The following KNDC1 variants were observed in gnomAD, a reference collection of about 807,000 sequenced individuals.
The protein encoded by KNDC1 is kinase non-catalytic C-lobe domain containing 1, also known as kinase non-catalytic C-lobe domain-containing protein 1.
Under a neutral mutation model 172.8 loss-of-function variants are expected in KNDC1, and 106 were observed. That is an observed-to-expected ratio of 0.61 (90% CI 0.52 to 0.72). KNDC1 has a LOEUF of 0.72. KNDC1 is among the 30% of genes least tolerant of loss of function. The pLI, the probability that KNDC1 is intolerant of heterozygous loss-of-function variation, is 0.00. For synonymous variants in KNDC1, 1,083 were observed against 1,062.2 expected, an observed-to-expected ratio of 1.02 and a Z score of -0.38; for missense variants, 2,325 against 2,394.5, an observed-to-expected ratio of 0.97 and a Z score of 0.61.
chr10:133,186,483 G>A lies in KNDC1; in HGVS notation c.1135G>A (p.Ala379Thr). ...PEHQLGRVPC[A>T]GRSTDRGPGV... ...ACACCAGCTGGGACGGGTTCCCTGT[G>A]CAGGCCGCAGCACGGACAGGGGCCC... Residue 379 changes from alanine to threonine, a missense_variant, in exon 6 of 30, where the codon GCA becomes ACA. Physicochemically the swap from Ala to Thr is moderately conservative, Grantham distance 58 (BLOSUM62 0). Transcript: ENST00000304613. 6.2e-7 allele frequency: 1 copy of A among 1,612,300 alleles called. No homozygotes were observed. Among genetic ancestry groups the A allele is most frequent in the Non-Finnish European group, 8.5e-7 (1 of 1,179,696 alleles).
chr10:133,198,302 C>T (rs984515688), intron 12 of KNDC1, 35 bp from the exon 13 acceptor site: 15 of 1,516,840 alleles, frequency 9.9e-6, no homozygotes, highest in African/African-American at 1.4e-5. Context: ...GGGGCCACTC[C>T]GCCCGCCCAC....
chr10:133,167,729 G>C lies in KNDC1; in HGVS notation c.301+150G>C, dbSNP rs1244276038. Reference sequence around the variant, plus strand: ...TGGAGACCTTCTCTTCCTTGGGAGGGACTCAGGCTGGAGAGTGGCCGAGGG... The same window carrying C: ...TGGAGACCTTCTCTTCCTTGGGAGGCACTCAGGCTGGAGAGTGGCCGAGGG... On this transcript the variant is annotated intron_variant, in intron 2 of 29. Transcript: ENST00000304613. 1.1e-5 allele frequency: 10 copies of C among 927,722 alleles called. No homozygotes were observed. The East Asian group carries it at 1.3e-4, about 12-fold the overall frequency. The allele number at this position is 927,722 out of a possible 1,614,324, so 57.5% of individuals were successfully genotyped here.
At chr10:133,203,033 ATGGCGTCCAGCGGGGAGCACT>A (rs1854419562) in intron 17 of KNDC1, among the ~76,000 whole-genome samples, 2 of 151,096 alleles carry the variant, frequency 1.3e-5, no homozygotes, top group Admixed American at 6.6e-5. Context: ...CCCCAAACGC[ATGGCGTCCAGCGGGGAGCACT>A]CGGCCCCCAA....
chr10:133,222,452 TGTGTGTGTGTGAGA>T, intron 29 of KNDC1, among the ~76,000 whole-genome samples: 1 of 82,462 alleles, frequency 1.2e-5, no homozygotes, highest in African/African-American at 3.7e-5. Flanking sequence ...CCGGCGTGTG[TGTGTGTGTGTGAGA>T]GCCCATCCAG....
intron 17 of KNDC1, among the ~76,000 whole-genome samples, chr10:133,203,171 A>G (rs1431493835): frequency 2.8e-5 from 2 of 70,176 alleles, no homozygotes; most frequent in Non-Finnish European, 7.5e-5. Flanking sequence ...CTCGGCCCCC[A>G]AACGCACAGA....
intron 6 of KNDC1, 122 bp downstream of exon 6, chr10:133,186,796 T>A: frequency 1.4e-6 from 1 of 711,274 alleles, no homozygotes; most frequent in South Asian, 2.1e-5. Context: ...CCTCGCTCCA[T>A]AATTAAAGAC....
chr10:133,168,088 G>A (rs1279895843), intron 2 of KNDC1, among the ~76,000 whole-genome samples, 166 bp from the exon 3 acceptor site: 4 of 152,194 alleles, frequency 2.6e-5, no homozygotes, highest in East Asian at 1.9e-4. Context: ...CATCATAACC[G>A]TTAAGGAGCT....
intron 5 of KNDC1, among the ~76,000 whole-genome samples, chr10:133,184,462 GTC>G (rs1387329373): frequency 1.3e-5 from 2 of 152,152 alleles, no homozygotes; most frequent in African/African-American, 4.8e-5. Flanking sequence ...CACACTGACA[GTC>G]ACACACGAGT....
chr10:133,178,208 T>C (rs1306747380), intron 3 of KNDC1, among the ~76,000 whole-genome samples: 3 of 151,264 alleles, frequency 2.0e-5, no homozygotes, highest in Non-Finnish European at 4.4e-5. Flanking sequence ...GGCATGTGTA[T>C]GTATGTGGTG....
At chr10:133,161,495 C>G (rs1174722459) in intron 1 of KNDC1, among the ~76,000 whole-genome samples, 1 of 152,154 alleles carries the variant, frequency 6.6e-6, no homozygotes, top group African/African-American at 2.4e-5. Flanking sequence ...GCAGTCCCCA[C>G]CTGCTGCCCC....
intron 17 of KNDC1, among the ~76,000 whole-genome samples, chr10:133,203,344 G>A (rs1001330081): frequency 7.9e-5 from 12 of 152,012 alleles, no homozygotes; most frequent in Admixed American, 3.3e-4. Flanking sequence ...GGGAGCACTC[G>A]GCCCCCAAAC....
At chr10:133,202,883 G>A (rs1008530826) in intron 17 of KNDC1, among the ~76,000 whole-genome samples, 4 of 152,206 alleles carry the variant, frequency 2.6e-5, no homozygotes, top group African/African-American at 7.2e-5. Context: ...CTTCGAGGAC[G>A]CAAAGGCCGC....
Position 133,211,919 on chromosome 10 carries a change from G to A in KNDC1, c.4236+61G>A, listed in dbSNP as rs573863797. ...AGGCGGATGTGGGTCCCTGAGCCCA[G>A]CCTCAAAGACACAACTGGTGCATGC... On this transcript the variant is annotated intron_variant, in intron 23 of 29. Coordinates refer to ENST00000304613, the MANE Select transcript of KNDC1 (RefSeq NM_152643.8). 5.9e-6 allele frequency: 9 copies of A among 1,520,140 alleles called. No individual in the cohort carries two copies. In the South Asian group the frequency reaches 1.1e-4, roughly 19 times the overall value. The allele number at this position is 1,520,140 out of a possible 1,614,324, so 94.2% of individuals were successfully genotyped here.
chr10:133,216,275 G>T (rs996229249), intron 26 of KNDC1, among the ~76,000 whole-genome samples: 19 of 152,112 alleles, frequency 1.2e-4, no homozygotes, highest in African/African-American at 4.6e-4. Context: ...GAAAATGGGG[G>T]GTCGGTGGTT....
At chr10:133,196,262 G>A (rs1433699479) in intron 10 of KNDC1, among the ~76,000 whole-genome samples, 1 of 144,050 alleles carries the variant, frequency 6.9e-6, no homozygotes, top group African/African-American at 2.6e-5. Flanking sequence ...GCCCCTCCCT[G>A]CCTGGTCTCC....
rs1262045085 is a variant in KNDC1 at position 133,186,044 on chromosome 10, C to T, written c.696C>T (p.Asp232=). The T allele has an allele frequency of 6.3e-7, 1 of 1,599,830 alleles. No homozygotes were observed. The part of the protein sequence containing the change: ...GNAGPRRPPG[D]PSTDPEVLPT... ...CTGGGCCCAGGAGGCCGCCCGGGGA[C>T]CCCAGCACTGACCCGGAGGTTCTGC... Residue 232 remains aspartate (D), a synonymous_variant, in exon 6 of 30, where the codon GAC becomes GAT. Coordinates refer to ENST00000304613, the MANE Select transcript of KNDC1 (RefSeq NM_152643.8).
chr10:133,224,227 G>T lies in KNDC1; in HGVS notation c.5019-432G>T, dbSNP rs1845674043. ...CTTTCTCCATTATATTCTATGGTGT[G>T]CTGGTCACTGTCAACCAGCTGTCCC... is the stretch of plus-strand genomic sequence containing the variant. On this transcript the variant is annotated intron_variant, in intron 29 of 29. Transcript: ENST00000304613. This position sits in a 1 kb window ranked among gnomAD's most constrained non-coding sequence, Gnocchi z 5.4. Among the ~76,000 whole-genome samples, 1 of 152,232 alleles carries T rather than the reference G, an allele frequency of 6.6e-6. No homozygotes were observed. Among genetic ancestry groups the T allele is most frequent in the Non-Finnish European group, 1.5e-5 (1 of 68,042 alleles).
Position 133,224,771 on chromosome 10 carries a change from GGT to G in KNDC1, c.5133_5134del (p.Ala1712ArgfsTer9), listed in dbSNP as rs1845687280. Reference protein sequence around the residue: ...YLKQRIARFSGADISTLAADS... With the variant: ...YLKQRIARFSXADISTLAADS... ...CAAGCAGAGGATTGCCCGCTTCAGC[GGT>G]GCCGACATTTCCACACTCGCCGCAG... On this transcript the variant is annotated frameshift_variant, in exon 30 of 30. Coordinates refer to ENST00000304613, the MANE Select transcript of KNDC1 (RefSeq NM_152643.8). LOFTEE classifies it high-confidence loss of function. This position sits in a 1 kb window ranked among gnomAD's most constrained non-coding sequence, Gnocchi z 5.4. 1.2e-6 allele frequency: 2 copies of G among 1,613,942 alleles called. No individual in the cohort carries two copies. Among genetic ancestry groups the G allele is most frequent in the Non-Finnish European group, 1.7e-6 (2 of 1,180,020 alleles).
chr10:133,198,730 C>T lies in KNDC1; in HGVS notation c.2222C>T (p.Ala741Val). The change falls in exon 14 of 30, where the codon GCA (alanine) becomes GTA (valine). Residue 741 changes from alanine to valine, a missense_variant. Physicochemically the swap from Ala to Val is moderately conservative, Grantham distance 64. Coordinates refer to ENST00000304613, the MANE Select transcript of KNDC1 (RefSeq NM_152643.8). Reference sequence around the variant, plus strand: ...GTGCCTGGTCCGGGGCCACAGGGAGCAGCCCCAGAGCCTCTTGGGGCGTCA... The same window carrying T: ...GTGCCTGGTCCGGGGCCACAGGGAGTAGCCCCAGAGCCTCTTGGGGCGTCA... ...GPVPGPGPQG[A>V]APEPLGASVQ... 6.3e-7 allele frequency: 1 copy of T among 1,576,598 alleles called. No individual in the cohort carries two copies. Among genetic ancestry groups the T allele is most frequent in the Non-Finnish European group, 8.6e-7 (1 of 1,162,090 alleles).
Sources: allele counts gnomAD v4.1 joint callset (sites outside exome capture counted in the v4.1 genomes callset), GRCh38; gene constraint gnomAD v4.1.1; non-coding constraint Gnocchi (gnomAD v3.1); transcripts MANE v1.5; gene names NCBI Gene and HGNC (gene_info 2026-07-23, HGNC 2026-07-21).